Variants in LRRC4C observed in about 807,000 individuals in gnomAD.
LRRC4C encodes the protein leucine-rich repeat-containing protein 4C.
A neutral mutation model predicts 33.6 loss-of-function variants in LRRC4C; 5 were observed. The ratio of observed to expected loss-of-function variants is 0.15; its 90% CI spans 0.08 to 0.31. LRRC4C has a LOEUF of 0.31. Ranked by LOEUF, LRRC4C falls within the 10% of genes least tolerant of loss-of-function variation. LRRC4C has a pLI of 1.00. For synonymous variants in LRRC4C, 329 were observed against 302.0 expected (o/e 1.09, Z -0.93); for missense variants, 560 against 796.7 (o/e 0.70, Z 3.58).
At position 41,075,810 on chromosome 11, in the gene LRRC4C, C is replaced by T. The variant is rs775609507; in HGVS notation, c.-495-142087G>A. On this transcript the variant is annotated intron_variant, in intron 1 of 6. Transcript: ENST00000528697. ...TTAAACTCTGCCATTTCACCAACTG[C>T]GCTGTTGTCAAAGCAATTAGCTGAC... Among the ~76,000 whole-genome samples, 179 of 152,270 alleles carry T rather than the reference C, an allele frequency of 1.2e-3. 1 individual carries two copies. Among genetic ancestry groups the T allele is most frequent in the Non-Finnish European group, 2.3e-3 (156 of 68,028 alleles).
intron 1 of LRRC4C, among the ~76,000 whole-genome samples, chr11:41,337,188 G>C (rs1376620640): frequency 1.3e-5 from 2 of 152,112 alleles, no homozygotes; most frequent in South Asian, 2.1e-4. Context: ...GGCACCACAG[G>C]TATGTGCTAC....
intron 3 of LRRC4C, among the ~76,000 whole-genome samples, chr11:40,563,972 G>A (rs187046577): frequency 3.3e-5 from 5 of 152,282 alleles, no homozygotes; most frequent in Admixed American, 1.3e-4. Flanking sequence ...TTCAGTGCAC[G>A]TAGGCTGGGG....
rs73475954 is a variant in LRRC4C at position 41,451,080 on chromosome 11, C to A, written c.-496+8351G>T. Among the ~76,000 whole-genome samples, 571 of 152,198 alleles carry A rather than the reference C, an allele frequency of 3.8e-3. 2 individuals carry two copies. Among genetic ancestry groups the A allele is most frequent in the African/African-American group, 0.013 (544 of 41,542 alleles). On this transcript the variant is annotated intron_variant, in intron 1 of 6. Coordinates refer to ENST00000528697, the MANE Select transcript of LRRC4C (RefSeq NM_001258419.2). ...ATAGGAACACATTTGAGGGAAAAAT[C>A]GGATTGTTTACAACTTTGTGCTCCA... is the stretch of plus-strand genomic sequence containing the variant.
At chr11:41,165,475 A>G (rs762403883) in intron 1 of LRRC4C, among the ~76,000 whole-genome samples, 1 of 152,082 alleles carries the variant, frequency 6.6e-6, no homozygotes, top group Non-Finnish European at 1.5e-5. Context: ...TATTACACAC[A>G]CCATCTTATT....
At chr11:40,580,267 A>T (rs180717341) in intron 3 of LRRC4C, among the ~76,000 whole-genome samples, 1 of 152,290 alleles carries the variant, frequency 6.6e-6, no homozygotes, top group Non-Finnish European at 1.5e-5. Flanking sequence ...GTGAAGGGGA[A>T]GCAAGGACCT....
chr11:40,783,453 T>A (rs1220012551), intron 2 of LRRC4C, among the ~76,000 whole-genome samples: 1 of 151,700 alleles, frequency 6.6e-6, no homozygotes, highest in Non-Finnish European at 1.5e-5. Context: ...GCACTACCAC[T>A]GCCAGCTATT....
At chr11:40,704,876 T>A (rs1946070888) in intron 2 of LRRC4C, among the ~76,000 whole-genome samples, 1 of 152,140 alleles carries the variant, frequency 6.6e-6, no homozygotes, top group Non-Finnish European at 1.5e-5. Flanking sequence ...TTTCTGTAAA[T>A]ATTGAATTTA....
chr11:40,178,383 G>C (rs1272743524), intron 5 of LRRC4C, among the ~76,000 whole-genome samples: 1 of 152,126 alleles, frequency 6.6e-6, no homozygotes, highest in Non-Finnish European at 1.5e-5. Context: ...AGAAAGACTA[G>C]AAACAAACAA....
intron 1 of LRRC4C, among the ~76,000 whole-genome samples, chr11:41,245,616 G>A (rs1021272369): frequency 6.6e-6 from 1 of 152,230 alleles, no homozygotes. Context: ...GGAGCTCCTA[G>A]GTCTGGGCTC....
At chr11:40,977,101 T>C (rs1033169737) in intron 1 of LRRC4C, among the ~76,000 whole-genome samples, 4 of 152,106 alleles carry the variant, frequency 2.6e-5, no homozygotes, top group Admixed American at 6.6e-5. Flanking sequence ...ATTGCTGATA[T>C]GTGCACTTTA....
chr11:41,401,594 C>A (rs1400706100), intron 1 of LRRC4C, among the ~76,000 whole-genome samples: 1 of 151,664 alleles, frequency 6.6e-6, no homozygotes, highest in Non-Finnish European at 1.5e-5. Flanking sequence ...TGGCAAAGGA[C>A]AATGGAAACA....
intron 3 of LRRC4C, among the ~76,000 whole-genome samples, chr11:40,533,683 G>A (rs935889654): frequency 4.6e-5 from 7 of 152,094 alleles, no homozygotes. Context: ...AGTCAGAGAA[G>A]CTATCTCAAC....
chr11:40,615,989 A>G (rs1250556459), intron 3 of LRRC4C, among the ~76,000 whole-genome samples: 1 of 151,882 alleles, frequency 6.6e-6, no homozygotes, highest in Non-Finnish European at 1.5e-5. Flanking sequence ...GGACTTTTCA[A>G]GGAATGAAAC....
intron 3 of LRRC4C, among the ~76,000 whole-genome samples, chr11:40,521,298 G>A (rs1363953129): frequency 2.0e-5 from 3 of 152,188 alleles, no homozygotes; most frequent in Non-Finnish European, 4.4e-5. Context: ...GCATTGTAAT[G>A]TAATAGTGAA....
chr11:40,697,676 A>C (rs1945642406), intron 2 of LRRC4C, among the ~76,000 whole-genome samples: 1 of 152,198 alleles, frequency 6.6e-6, no homozygotes, highest in Non-Finnish European at 1.5e-5. Flanking sequence ...TTAAGAACAC[A>C]GTTTTAACAA....
chr11:41,272,629 T>TA (rs939840588), intron 1 of LRRC4C, among the ~76,000 whole-genome samples: 2 of 152,094 alleles, frequency 1.3e-5, no homozygotes, highest in African/African-American at 2.4e-5. Context: ...TAGCACGTAT[T>TA]AAAAAAACTG....
At chr11:40,846,725 T>C (rs1953193736) in intron 2 of LRRC4C, among the ~76,000 whole-genome samples, 1 of 152,198 alleles carries the variant, frequency 6.6e-6, no homozygotes, top group African/African-American at 2.4e-5. Context: ...GGGAATAGCA[T>C]TGAATCTATA....
At chr11:40,268,954 C>T (rs1477954952) in intron 4 of LRRC4C, among the ~76,000 whole-genome samples, 1 of 152,116 alleles carries the variant, frequency 6.6e-6, no homozygotes, top group African/African-American at 2.4e-5. Flanking sequence ...ATTGTTTTCG[C>T]CCTGTTTAAG....
intron 1 of LRRC4C, among the ~76,000 whole-genome samples, chr11:41,417,933 C>T (rs1459150914): frequency 6.9e-6 from 1 of 145,704 alleles, no homozygotes; most frequent in Admixed American, 7.2e-5. Flanking sequence ...TGTGTGTGTG[C>T]ATATATATAT....
Sources: gnomAD v4.1 joint callset for allele counts (sites outside exome capture counted in the v4.1 genomes callset) on GRCh38, gnomAD v4.1.1 for gene constraint, MANE v1.5 for transcripts, NCBI Gene and HGNC (gene_info 2026-07-23, HGNC 2026-07-21) for gene names.